FBXO31: variants seen among roughly 807,000 people sequenced by gnomAD.
The protein encoded by FBXO31 is F-box protein 31.
Under a neutral mutation model 54.4 loss-of-function variants are expected in FBXO31, and 24 were observed. The observed-to-expected ratio is 0.44, with a 90% confidence interval of 0.32 to 0.62. FBXO31 has a LOEUF of 0.62. Among genes scored for constraint, FBXO31 ranks in the 20% least tolerant of loss-of-function variants. The pLI is 0.05. For synonymous variants in FBXO31, 388 were observed against 335.6 expected (o/e 1.16, Z -1.71); for missense variants, 665 against 787.1 (o/e 0.84, Z 1.86).
In FBXO31 at chr16:87,383,397, G is replaced by T; in HGVS notation, c.340+8C>A. ...CCCCTCCCGGCCCCGCCACCCCCGC[G>T]CGCTCACCCTCACGGCAACGCCTCC... On this transcript the variant is annotated splice_region_variant and intron_variant, in intron 1 of 8. Coordinates refer to ENST00000311635, the MANE Select transcript of FBXO31 (RefSeq NM_024735.5). This position sits in a 1 kb window ranked among gnomAD's most constrained non-coding sequence, Gnocchi z 4.9. 1 of 1,262,162 alleles carries T rather than the reference G, an allele frequency of 7.9e-7. No individual in the cohort carries two copies. The highest frequency in any genetic ancestry group is 1.1e-6 in the Non-Finnish European group (1 of 921,044). The allele number at this position is 1,262,162 out of a possible 1,614,324, so 78.2% of individuals were successfully genotyped here. A position where few individuals can be genotyped will look rare whatever the true frequency, so the allele number is the denominator to read the frequency against.
chr16:87,343,891 C>A, intron 3 of FBXO31, 126 bp from the exon 4 acceptor site: 4 of 970,930 alleles, frequency 4.1e-6, no homozygotes, highest in Non-Finnish European at 3.1e-6. Context: ...GGGACCTGCA[C>A]GCCCACCCTC....
At chr16:87,361,898 C>T (rs970906356) in intron 1 of FBXO31, among the ~76,000 whole-genome samples, 4 of 152,222 alleles carry the variant, frequency 2.6e-5, no homozygotes, top group African/African-American at 4.8e-5. Context: ...CTCAAGGCTC[C>T]TAGAAGGCCT....
At chr16:87,371,946 G>C (rs920868159) in intron 1 of FBXO31, among the ~76,000 whole-genome samples, 1 of 151,984 alleles carries the variant, frequency 6.6e-6, no homozygotes. Context: ...TGTTTGGGCT[G>C]GGTGCAGTGG....
At chr16:87,361,924 T>G (rs1158862341) in intron 1 of FBXO31, among the ~76,000 whole-genome samples, 1 of 152,228 alleles carries the variant, frequency 6.6e-6, no homozygotes, top group Non-Finnish European at 1.5e-5. Flanking sequence ...TCCTCTCAGT[T>G]GTGGTCTACG....
chr16:87,334,896 C>T (rs1415561516), intron 7 of FBXO31, among the ~76,000 whole-genome samples: 2 of 147,946 alleles, frequency 1.4e-5, no homozygotes, highest in African/African-American at 4.9e-5. Flanking sequence ...TGCTGAAGCT[C>T]AGACAGGGTG....
intron 5 of FBXO31, among the ~76,000 whole-genome samples, chr16:87,339,754 G>A (rs1905135617): frequency 6.6e-6 from 1 of 152,234 alleles, no homozygotes. Context: ...GGATGTTTCT[G>A]GGAAATAGCT....
intron 2 of FBXO31, among the ~76,000 whole-genome samples, chr16:87,347,692 A>C (rs1180863364): frequency 2.0e-5 from 3 of 151,816 alleles, no homozygotes; most frequent in Non-Finnish European, 4.4e-5. Context: ...AAAAAAAAAA[A>C]AAAAAAAAAC....
intron 1 of FBXO31, among the ~76,000 whole-genome samples, chr16:87,362,915 C>G (rs1346998063): frequency 3.9e-5 from 6 of 152,138 alleles, no homozygotes; most frequent in African/African-American, 1.2e-4. Context: ...AGTCAGGGAC[C>G]CCTGTCTTTA....
chr16:87,332,584 C>G lies in FBXO31; in HGVS notation c.1398-1074G>C, dbSNP rs897724500. 3.3e-5 allele frequency among the ~76,000 whole-genome samples: 5 copies of G among 152,158 alleles called. No individual in the cohort carries two copies. The Middle Eastern group carries it at 0.014, about 417-fold the overall frequency. On this transcript the variant is annotated intron_variant, in intron 8 of 8. Coordinates refer to ENST00000311635, the MANE Select transcript of FBXO31 (RefSeq NM_024735.5). ...CCTCTCTCTGTAAACCCCCCAGTCA[C>G]CGTTATCATACATGGAACATGAAGA...
At chr16:87,337,084 C>A (rs2150670153) in intron 5 of FBXO31, among the ~76,000 whole-genome samples, 1 of 152,334 alleles carries the variant, frequency 6.6e-6, no homozygotes, top group Admixed American at 6.5e-5. Flanking sequence ...ACTGCAGGAG[C>A]TGCACTGAGC....
At chr16:87,386,342 T>G (rs59909319), upstream of FBXO31, 1 of 152,246 alleles carries the variant, frequency 6.6e-6, no homozygotes, top group African/African-American at 2.4e-5. Context: ...AGTGGTGTTT[T>G]GGGAAGCCAA....
chr16:87,347,280 G>A (rs1905431626), intron 2 of FBXO31, 30 bp from the exon 3 acceptor site: 6 of 1,603,204 alleles, frequency 3.7e-6, no homozygotes, highest in Non-Finnish European at 5.1e-6. Flanking sequence ...GCAAGTCTCT[G>A]TGTTAGACCC....
upstream of FBXO31, among the ~76,000 whole-genome samples, chr16:87,385,738 G>A (rs1202543374): frequency 6.6e-6 from 1 of 152,166 alleles, no homozygotes; most frequent in Non-Finnish European, 1.5e-5. Context: ...GCCAGGCCTG[G>A]TGGCTCACAC....
At chr16:87,349,517 C>G (rs556437403) in intron 2 of FBXO31, among the ~76,000 whole-genome samples, 1 of 152,052 alleles carries the variant, frequency 6.6e-6, no homozygotes. Flanking sequence ...CGAGACCAGC[C>G]TGGCCAACAT....
rs990144843 is a variant in FBXO31, at chr16:87,331,167, C to A, written c.*121G>T. 2 of 926,212 alleles carry A rather than the reference C, an allele frequency of 2.2e-6. No individual in the cohort carries two copies. The highest frequency in any genetic ancestry group is 3.3e-6 in the Non-Finnish European group (2 of 605,090). The allele number at this position is 926,212 out of a possible 1,614,324, so 57.4% of individuals were successfully genotyped here. ...GCTGGGGGGTGGCTGGACTGGGCCCCCCGACGAGGTGTGCGTTCTGGTCAA... is the reference window on the plus strand; with the variant it reads ...GCTGGGGGGTGGCTGGACTGGGCCCACCGACGAGGTGTGCGTTCTGGTCAA... On this transcript the variant is annotated 3_prime_UTR_variant, in exon 9 of 9. Transcript: ENST00000311635.
chr16:87,390,794 G>A (rs892513151), upstream of FBXO31, among the ~76,000 whole-genome samples: 1 of 151,860 alleles, frequency 6.6e-6, no homozygotes, highest in African/African-American at 2.4e-5. Flanking sequence ...ACGGGGTCTT[G>A]CTATGTTGCC....
chr16:87,349,383 T>C lies in FBXO31; in HGVS notation c.413-2133A>G, dbSNP rs1292595082. On this transcript the variant is annotated intron_variant, in intron 2 of 8. Transcript: ENST00000311635. ...TGAAAGGCAGGGATTGTGGAACACG[T>C]TGGGGCAGAGAACAAAATGTCATGG... 3.9e-5 allele frequency among the ~76,000 whole-genome samples: 6 copies of C among 152,230 alleles called. No homozygotes were observed. In the East Asian group the frequency reaches 7.7e-4, roughly 20 times the overall value.
intron 8 of FBXO31, among the ~76,000 whole-genome samples, chr16:87,333,311 C>A (rs1904927266): frequency 6.6e-6 from 1 of 152,252 alleles, no homozygotes; most frequent in South Asian, 2.1e-4. Context: ...GTCCACTCCA[C>A]TGGCCACCAA....
chr16:87,372,926 G>A (rs1906663860), intron 1 of FBXO31, among the ~76,000 whole-genome samples: 1 of 151,498 alleles, frequency 6.6e-6, no homozygotes, highest in Non-Finnish European at 1.5e-5. Flanking sequence ...GTAGAGACGG[G>A]GTTTCACCAT....
Sources: allele counts gnomAD v4.1 joint callset (sites outside exome capture counted in the v4.1 genomes callset), GRCh38; gene constraint gnomAD v4.1.1; non-coding constraint Gnocchi (gnomAD v3.1); transcripts MANE v1.5; gene names NCBI Gene and HGNC (gene_info 2026-07-23, HGNC 2026-07-21).